Variants in RNF180 observed in about 807,000 individuals in gnomAD.
The protein encoded by RNF180 is E3 ubiquitin-protein ligase RNF180.
In RNF180, 38 loss-of-function variants were observed where a neutral mutation model predicts 59.2. The observed-to-expected ratio is 0.64, with a 90% CI of 0.50 to 0.84. RNF180 has a LOEUF of 0.84. Ranked by LOEUF, RNF180 falls within the 40% of genes least tolerant of loss-of-function variation. RNF180 has a pLI of 0.00. For synonymous variants in RNF180, 262 were observed against 240.3 expected (o/e 1.09, Z -0.84); for missense variants, 705 against 700.9 (o/e 1.01, Z -0.07).
intron 2 of RNF180, among the ~76,000 whole-genome samples, chr5:64,203,585 A>G (rs1235859870): frequency 6.6e-6 from 1 of 152,142 alleles, no homozygotes; most frequent in East Asian, 1.9e-4. Flanking sequence ...AAAATACCTT[A>G]TAAAGTAAAA....
chr5:64,330,440 T>C (rs997450434), intron 7 of RNF180, 34 bp downstream of exon 7: 2 of 1,521,332 alleles, frequency 1.3e-6, no homozygotes, highest in African/African-American at 2.8e-5. Flanking sequence ...AAAAGTCTGG[T>C]AATTTTGTCT....
At chr5:64,255,255 C>A (rs891991937) in intron 5 of RNF180, among the ~76,000 whole-genome samples, 9 of 152,188 alleles carry the variant, frequency 5.9e-5, no homozygotes, top group African/African-American at 2.2e-4. Flanking sequence ...GCACAACGTG[C>A]AGGTTTGTTG....
chr5:64,312,338 C>T (rs184679398), intron 5 of RNF180, among the ~76,000 whole-genome samples: 8 of 152,218 alleles, frequency 5.3e-5, no homozygotes, highest in Non-Finnish European at 1.0e-4. Flanking sequence ...TTCATGGTTT[C>T]TTAGCACCCT....
chr5:64,362,044 A>G (rs1362461271), intron 7 of RNF180, among the ~76,000 whole-genome samples: 7 of 151,466 alleles, frequency 4.6e-5, no homozygotes, highest in African/African-American at 1.7e-4. Context: ...TTAATTTAAT[A>G]AATTTATTTT....
At chr5:64,223,444 A>G (rs1371962126) in intron 5 of RNF180, among the ~76,000 whole-genome samples, 2 of 152,058 alleles carry the variant, frequency 1.3e-5, no homozygotes. Context: ...TGCCTGCCTC[A>G]CCTTTCTGGA....
intron 5 of RNF180, among the ~76,000 whole-genome samples, chr5:64,281,973 T>TA (rs1484017080): frequency 1.3e-5 from 2 of 152,172 alleles, no homozygotes; most frequent in African/African-American, 2.4e-5. Flanking sequence ...CATGGTGGAT[T>TA]AGCTTTTTGA....
intron 5 of RNF180, among the ~76,000 whole-genome samples, chr5:64,243,098 C>T (rs562045054): frequency 1.3e-5 from 2 of 152,198 alleles, no homozygotes; most frequent in Non-Finnish European, 2.9e-5. Flanking sequence ...ACCTGTTGAC[C>T]AGGAGATTCC....
chr5:64,173,464 A>G (rs1750052218), intron 1 of RNF180, among the ~76,000 whole-genome samples: 1 of 152,192 alleles, frequency 6.6e-6, no homozygotes, highest in South Asian at 2.1e-4. Flanking sequence ...TTTTTCATTT[A>G]TAGTGAGAAC....
At chr5:64,320,882 C>CA (rs1744307272) in intron 5 of RNF180, among the ~76,000 whole-genome samples, 1 of 151,934 alleles carries the variant, frequency 6.6e-6, no homozygotes, top group African/African-American at 2.4e-5. Context: ...ACTAAAAATA[C>CA]AAAAAATTAG....
At chr5:64,300,974 G>T (rs1310116280) in intron 5 of RNF180, among the ~76,000 whole-genome samples, 1 of 151,624 alleles carries the variant, frequency 6.6e-6, no homozygotes, top group Non-Finnish European at 1.5e-5. Context: ...ATGCCCAGGA[G>T]CTCCTGCCTC....
chr5:64,206,772 GGAA>G (rs1436624609), intron 2 of RNF180, among the ~76,000 whole-genome samples: 1 of 152,128 alleles, frequency 6.6e-6, no homozygotes, highest in African/African-American at 2.4e-5. Context: ...CTCTATAAAA[GGAA>G]GAAAAGAGAA....
At chr5:64,308,649 A>C (rs1245554125) in intron 5 of RNF180, among the ~76,000 whole-genome samples, 2 of 151,656 alleles carry the variant, frequency 1.3e-5, no homozygotes, top group Non-Finnish European at 3.0e-5. Context: ...GCACTTTGCC[A>C]CCCAAGACTG....
At chr5:64,190,521 G>A (rs1000019959) in intron 1 of RNF180, among the ~76,000 whole-genome samples, 2 of 152,158 alleles carry the variant, frequency 1.3e-5, no homozygotes, top group African/African-American at 2.4e-5. Flanking sequence ...GGATGGAGTG[G>A]ATGTTTTTTT....
At chr5:64,264,868 T>C (rs568230822) in intron 5 of RNF180, among the ~76,000 whole-genome samples, 1 of 152,214 alleles carries the variant, frequency 6.6e-6, no homozygotes, top group Non-Finnish European at 1.5e-5. Context: ...GCATTCCTAC[T>C]TCACATCCTC....
At chr5:64,238,908 A>G (rs1206080521) in intron 5 of RNF180, among the ~76,000 whole-genome samples, 2 of 152,098 alleles carry the variant, frequency 1.3e-5, no homozygotes, top group Non-Finnish European at 2.9e-5. Flanking sequence ...AATCATTCCT[A>G]AGGAGACCCT....
In RNF180 at chr5:64,253,794, A is replaced by G. The variant is rs146393759; in HGVS notation, c.1227+36398A>G. ...TCATTATAACCCCAAGGTCACCTAT[A>G]AAAGCTCTGAATTAAAGTAATATCG... is the stretch of plus-strand genomic sequence containing the variant. On this transcript the variant is annotated intron_variant, in intron 5 of 7. Coordinates refer to ENST00000389100, the MANE Select transcript of RNF180 (RefSeq NM_001113561.2). Among the ~76,000 whole-genome samples the G allele has an allele frequency of 4.1e-3, 619 of 152,256 alleles. 3 individuals are homozygous for G. Among genetic ancestry groups the G allele is most frequent in the African/African-American group, 0.014 (566 of 41,560 alleles).
Position 64,369,699 on chromosome 5 carries a change from A to T in RNF180, c.1664A>T (p.Asp555Val). 6.5e-7 allele frequency: 1 copy of T among 1,548,316 alleles called. No homozygotes were observed. Among genetic ancestry groups the T allele is most frequent in the East Asian group, 2.5e-5 (1 of 40,764 alleles). The change falls in exon 8 of 8, where the codon GAT becomes GTT. Residue 555 changes from aspartate (D) to valine (V), a missense_variant. Physicochemically the swap from Asp to Val is radical, Grantham distance 152. Coordinates refer to ENST00000389100, the MANE Select transcript of RNF180 (RefSeq NM_001113561.2). ...HRMDYLHFED[D>V]SRGWWFDMDM... is the part of the protein sequence containing the mutation. Reference sequence around the variant, plus strand: ...ATGGATTACCTGCACTTTGAGGATGATAGCCGTGGATGGTGGTTTGACATG... The same window carrying T: ...ATGGATTACCTGCACTTTGAGGATGTTAGCCGTGGATGGTGGTTTGACATG...
chr5:64,348,210 A>C (rs886846894), intron 7 of RNF180, among the ~76,000 whole-genome samples: 5 of 151,870 alleles, frequency 3.3e-5, no homozygotes, highest in African/African-American at 9.7e-5. Context: ...CTTTTTTTCT[A>C]ATAGCAAAGA....
chr5:64,323,677 G>T (rs1744486269), intron 5 of RNF180, among the ~76,000 whole-genome samples: 1 of 152,180 alleles, frequency 6.6e-6, no homozygotes, highest in African/African-American at 2.4e-5. Flanking sequence ...TGTAGAGAAA[G>T]AGCAGAAGGG....
Sources: allele counts gnomAD v4.1 joint callset (sites outside exome capture counted in the v4.1 genomes callset), GRCh38; gene constraint gnomAD v4.1.1; transcripts MANE v1.5; gene names NCBI Gene and HGNC (gene_info 2026-07-23, HGNC 2026-07-21).